The following OR1M1 variants were observed in gnomAD, a reference collection of about 807,000 sequenced individuals.
The protein encoded by OR1M1 is olfactory receptor family 1 subfamily M member 1.
For missense variants in OR1M1, 397 were observed against 401.8 expected, an observed-to-expected ratio of 0.99 and a Z score of 0.10; for synonymous variants, 157 against 165.5, an observed-to-expected ratio of 0.95 and a Z score of 0.39.
At chr19:9,090,765 G>A (rs1324557394) in intron 1 of OR1M1, among the ~76,000 whole-genome samples, 7 of 151,978 alleles carry the variant, frequency 4.6e-5, no homozygotes, top group Admixed American at 3.3e-4. Context: ...GAAGATAATT[G>A]GATGCATGAG....
Position 9,095,356 on chromosome 19 carries a change from G to A in OR1M1, c.*1170G>A, listed in dbSNP as rs80289209. 0.012 allele frequency: 1,811 copies of A among 152,252 alleles called. 22 individuals are homozygous for A. The highest frequency in any genetic ancestry group is 0.02 in the Middle Eastern group (6 of 294). 9.4% of individuals were successfully genotyped at this position (152,252 alleles called of 1,614,324 possible). A position where few individuals can be genotyped will look rare whatever the true frequency, so the allele number is the denominator to read the frequency against. On this transcript the variant is annotated 3_prime_UTR_variant, in exon 2 of 2. Transcript: ENST00000641627. Reference sequence around the variant, plus strand: ...ACGTGAAGGAGTGAAATGCCGCCATGTGGTTCTGTGGCTGGACCGACTCTG... The same window carrying A: ...ACGTGAAGGAGTGAAATGCCGCCATATGGTTCTGTGGCTGGACCGACTCTG...
chr19:9,090,977 T>C (rs373600060), intron 1 of OR1M1, among the ~76,000 whole-genome samples: 103 of 151,636 alleles, frequency 6.8e-4, no homozygotes, highest in Middle Eastern at 3.4e-3. Flanking sequence ...CCATCCTGGC[T>C]AACATGGTGA....
At chr19:9,091,820 C>T (rs139941500) in intron 1 of OR1M1, among the ~76,000 whole-genome samples, 3 of 151,974 alleles carry the variant, frequency 2.0e-5, no homozygotes, top group East Asian at 1.9e-4. Flanking sequence ...ATAGTGGCTC[C>T]GGGAGAAAAT....
At chr19:9,092,931 T>A (rs1280300126) in intron 1 of OR1M1, among the ~76,000 whole-genome samples, 1 of 148,502 alleles carries the variant, frequency 6.7e-6, no homozygotes, top group East Asian at 2.0e-4. Flanking sequence ...ATATACATAA[T>A]ATGTAATAAT....
chr19:9,088,208 G>A lies in OR1M1; in HGVS notation c.-14+1051G>A, dbSNP rs574166731. Among the ~76,000 whole-genome samples, 31 of 152,132 alleles carry A rather than the reference G, an allele frequency of 2.0e-4. 1 individual carries two copies. The South Asian group carries it at 6.4e-3, about 32-fold the overall frequency. On this transcript the variant is annotated intron_variant, in intron 1 of 1. Coordinates refer to ENST00000641627, the MANE Select transcript of OR1M1 (RefSeq NM_001004456.2). ...GCCCAGCCTGGACTTTCTTTTCCAA[G>A]CCCACTTGAGTGCCTGAAGGAACAG...
intron 1 of OR1M1, among the ~76,000 whole-genome samples, chr19:9,090,438 GA>G (rs2050286105): frequency 6.6e-6 from 1 of 152,206 alleles, no homozygotes; most frequent in African/African-American, 2.4e-5. Flanking sequence ...TGTAATGCAG[GA>G]AGATTAATTT....
intron 1 of OR1M1, 199 bp from the exon 2 acceptor site, chr19:9,093,033 C>CTATA (rs1485376531): frequency 1.2e-5 from 4 of 322,308 alleles, no homozygotes; most frequent in Non-Finnish European, 2.1e-5. Flanking sequence ...CTCTCTCTCT[C>CTATA]TCTCTATATA....
In OR1M1 at chr19:9,093,853, A is replaced by G; in HGVS notation, c.609A>G (p.Ala203=). 1 of 1,614,102 alleles carries G rather than the reference A, an allele frequency of 6.2e-7. No individual in the cohort carries two copies. Among genetic ancestry groups the G allele is most frequent in the Non-Finnish European group, 8.5e-7 (1 of 1,180,028 alleles). ...ATAGGATCTTCATCCTCATTGTGGC[A>G]GGGATGGTGATAGCCACGCCCTTTG... The part of the protein sequence containing the change: ...SVNRIFILIV[A]GMVIATPFVC... Residue 203 remains alanine, a synonymous_variant, in exon 2 of 2, where the codon GCA becomes GCG. Transcript: ENST00000641627.
chr19:9,093,140 T>A, intron 1 of OR1M1, 92 bp from the exon 2 acceptor site: 1 of 656,076 alleles, frequency 1.5e-6, no homozygotes, highest in Non-Finnish European at 2.6e-6. Flanking sequence ...GGTCTCATAA[T>A]TAGCCCAAAT....
intron 1 of OR1M1, among the ~76,000 whole-genome samples, chr19:9,089,497 C>T (rs906196090): frequency 2.0e-5 from 3 of 150,794 alleles, no homozygotes; most frequent in African/African-American, 7.3e-5. Flanking sequence ...AATCTCAGCT[C>T]ACTGCAACCT....
At position 9,094,014 on chromosome 19, in the gene OR1M1, G is replaced by A. The variant is rs750477876; in HGVS notation, c.770G>A (p.Gly257Asp). 8.1e-6 allele frequency: 13 copies of A among 1,614,072 alleles called. No homozygotes were observed. In the East Asian group the frequency reaches 2.7e-4, roughly 33 times the overall value. Residue 257 changes from glycine to aspartate, a missense_variant, in exon 2 of 2, where the codon GGC (glycine) becomes GAC (aspartate). Gly to Asp is a moderately conservative substitution (Grantham distance 94). Coordinates refer to ENST00000641627, the MANE Select transcript of OR1M1 (RefSeq NM_001004456.2). Reference sequence around the variant, plus strand: ...GCTCTCTTCTATGGGACCACCATTGGCGTCTATCTGTGTCCCTCCTCGGTC... The same window carrying A: ...GCTCTCTTCTATGGGACCACCATTGACGTCTATCTGTGTCCCTCCTCGGTC... ...VVALFYGTTI[G>D]VYLCPSSVLT... is the part of the protein sequence containing the mutation.
At chr19:9,092,556 T>A (rs759683457) in intron 1 of OR1M1, among the ~76,000 whole-genome samples, 22 of 152,058 alleles carry the variant, frequency 1.4e-4, no homozygotes, top group African/African-American at 5.1e-4. Context: ...TGAACTATGA[T>A]TGCACCACTG....
chr19:9,092,933 T>A (rs1444816047), intron 1 of OR1M1, among the ~76,000 whole-genome samples: 2 of 148,712 alleles, frequency 1.3e-5, no homozygotes, highest in Non-Finnish European at 3.0e-5. Context: ...ATACATAATA[T>A]GTAATAATAT....
intron 1 of OR1M1, among the ~76,000 whole-genome samples, chr19:9,090,076 T>C (rs1372785370): frequency 2.6e-5 from 4 of 152,202 alleles, no homozygotes; most frequent in Non-Finnish European, 5.9e-5. Context: ...GAGTAGCAAA[T>C]TAGCAGAGAC....
Position 9,094,171 on chromosome 19 carries a change from C to T in OR1M1, c.927C>T (p.Ile309=). ...TCAGGAAGCTGGTCAACAGAAAGAT[C>T]ACCTCATCTTCCTGACCACCAGGAC... is the stretch of plus-strand genomic sequence containing the variant. The part of the protein sequence containing the change: ...GALRKLVNRK[I]TSSS Residue 309 remains isoleucine, a synonymous_variant, in exon 2 of 2, where the codon ATC becomes ATT. Transcript: ENST00000641627. The T allele has an allele frequency of 6.2e-7, 1 of 1,605,728 alleles. No individual in the cohort carries two copies. The highest frequency in any genetic ancestry group is 8.5e-7 in the Non-Finnish European group (1 of 1,177,482).
chr19:9,092,684 G>A (rs558233085), intron 1 of OR1M1, among the ~76,000 whole-genome samples: 1 of 152,008 alleles, frequency 6.6e-6, no homozygotes, highest in East Asian at 1.9e-4. Flanking sequence ...GGCGGATCAC[G>A]AGGTCAGGAG....
intron 1 of OR1M1, among the ~76,000 whole-genome samples, chr19:9,092,676 C>T (rs1030081498): frequency 2.4e-4 from 37 of 151,746 alleles, no homozygotes; most frequent in South Asian, 8.3e-4. Context: ...CCGAGGTGGG[C>T]GGATCACGAG....
At chr19:9,093,019 TTC>T (rs34983826) in intron 1 of OR1M1, among the ~76,000 whole-genome samples, 26,142 of 135,392 alleles carry the variant, frequency 0.19, 2,518 homozygotes, top group South Asian at 0.21. Flanking sequence ...TTTACATATA[TTC>T]TCTCTCTCTC....
intron 1 of OR1M1, 151 bp from the exon 2 acceptor site, chr19:9,093,079 TAC>T (rs560891702): frequency 0.079 from 29,822 of 377,784 alleles, 85 homozygotes; most frequent in East Asian, 0.16. Context: ...ATTCTATATA[TAC>T]ACACACACAC....
Sources: allele counts gnomAD v4.1 joint callset (sites outside exome capture counted in the v4.1 genomes callset), GRCh38; gene constraint gnomAD v4.1.1; transcripts MANE v1.5; gene names NCBI Gene and HGNC (gene_info 2026-07-23, HGNC 2026-07-21).